LY86: variants seen among roughly 807,000 people sequenced by gnomAD.
LY86 encodes lymphocyte antigen 86, also known as MD-1, RP105-associated.
A neutral mutation model predicts 17.3 loss-of-function variants in LY86; 20 were observed. The ratio of observed to expected loss-of-function variants is 1.15; its 90% CI spans 0.81 to 1.68. LY86 has a LOEUF of 1.68. Ranked by LOEUF, LY86 falls within the 40% of genes most tolerant of loss-of-function variation. The pLI is 0.00. For synonymous variants in LY86, 74 were observed against 70.6 expected, an observed-to-expected ratio of 1.05 and a Z score of -0.24; for missense variants, 200 against 191.9, an observed-to-expected ratio of 1.04 and a Z score of -0.25.
chr6:6,654,450 CA>C (rs750760055), intron 4 of LY86, 93 bp from the exon 5 acceptor site: 43 of 909,434 alleles, frequency 4.7e-5, no homozygotes, highest in Non-Finnish European at 6.9e-5. Flanking sequence ...TCCAGAACAG[CA>C]CCCAGCACAT....
intron 1 of LY86, among the ~76,000 whole-genome samples, chr6:6,600,218 C>T (rs1271466357): frequency 1.5e-5 from 2 of 132,078 alleles, no homozygotes; most frequent in East Asian, 3.9e-4. Flanking sequence ...GGCTGCCTTC[C>T]TCTGTGATAG....
Position 6,613,803 on chromosome 6 carries a change from A to G in LY86, c.137-11123A>G, listed in dbSNP as rs73718604. Reference sequence around the variant, plus strand: ...GCTGCCAGCATGCTGTCACCTCTCAATAGGGCCCCTTACTTTCCCTGCCTG... The same window carrying G: ...GCTGCCAGCATGCTGTCACCTCTCAGTAGGGCCCCTTACTTTCCCTGCCTG... On this transcript the variant is annotated intron_variant, in intron 1 of 4. Transcript: ENST00000230568. Among the ~76,000 whole-genome samples, 842 of 152,326 alleles carry G rather than the reference A, an allele frequency of 5.5e-3. 8 individuals are homozygous for G. The highest frequency in any genetic ancestry group is 0.019 in the African/African-American group (793 of 41,580).
intron 1 of LY86, among the ~76,000 whole-genome samples, chr6:6,597,314 A>G (rs1429112861): frequency 6.6e-6 from 1 of 152,170 alleles, no homozygotes; most frequent in Non-Finnish European, 1.5e-5. Flanking sequence ...CCCATGAGGC[A>G]GGAGCTCCAG....
In LY86 at chr6:6,654,574, A is replaced by G. The variant is rs772866681; in HGVS notation, c.436A>G (p.Thr146Ala). 22 of 1,614,080 alleles carry G rather than the reference A, an allele frequency of 1.4e-5. No homozygotes were observed. The highest frequency in any genetic ancestry group is 1.8e-5 in the Non-Finnish European group (21 of 1,180,022). ...GEYQVLLELY[T>A]EKRSTVACAN... is the part of the protein sequence containing the mutation. ...ATACCAGGTTTTGCTGGAACTGTAC[A>G]CTGAAAAACGGTCCACCGTGGCCTG... Residue 146 changes from threonine to alanine, a missense_variant, in exon 5 of 5, where the codon ACT becomes GCT. By Grantham distance (58) the Thr-to-Ala change is moderately conservative (BLOSUM62 0). Transcript: ENST00000230568.
At chr6:6,601,935 G>C (rs1358905850) in intron 1 of LY86, among the ~76,000 whole-genome samples, 1 of 152,180 alleles carries the variant, frequency 6.6e-6, no homozygotes, top group African/African-American at 2.4e-5. Flanking sequence ...ACTATTTTAA[G>C]TGTGTTTCAA....
chr6:6,602,885 G>A (rs1170544661), intron 1 of LY86, among the ~76,000 whole-genome samples: 1 of 152,180 alleles, frequency 6.6e-6, no homozygotes, highest in East Asian at 1.9e-4. Context: ...GTGTTTACAG[G>A]AAGAAATCTT....
intron 1 of LY86, among the ~76,000 whole-genome samples, chr6:6,608,635 C>G (rs1352349773): frequency 6.6e-6 from 1 of 152,202 alleles, no homozygotes; most frequent in Non-Finnish European, 1.5e-5. Context: ...GTAATGTTTC[C>G]ATGCACACTA....
intron 1 of LY86, among the ~76,000 whole-genome samples, chr6:6,603,618 AC>A (rs148027309): frequency 0.016 from 1,736 of 105,732 alleles, 104 homozygotes; most frequent in South Asian, 0.036. Context: ...AAAAAAACAA[AC>A]AAAAAAAAAC....
chr6:6,603,305 C>G (rs1760972233), intron 1 of LY86, among the ~76,000 whole-genome samples: 1 of 152,100 alleles, frequency 6.6e-6, no homozygotes, highest in Non-Finnish European at 1.5e-5. Flanking sequence ...GCACTCGCAT[C>G]TCTAGCATCA....
chr6:6,610,924 C>A lies in LY86; in HGVS notation c.137-14002C>A, dbSNP rs1761315814. ...GCAGCCACAGAAATTTGTATTTTGC[C>A]AAGGAAGGCTCCTTCTTTGAAAATA... On this transcript the variant is annotated intron_variant, in intron 1 of 4. Coordinates refer to ENST00000230568, the MANE Select transcript of LY86 (RefSeq NM_004271.4). 2.6e-5 allele frequency among the ~76,000 whole-genome samples: 4 copies of A among 152,158 alleles called. No individual in the cohort carries two copies. The South Asian group carries it at 8.3e-4, about 32-fold the overall frequency.
At chr6:6,646,668 C>T (rs376799118) in intron 3 of LY86, among the ~76,000 whole-genome samples, 8 of 152,194 alleles carry the variant, frequency 5.3e-5, no homozygotes, top group African/African-American at 1.9e-4. Flanking sequence ...CAACTCACTT[C>T]CCCACTGTTA....
intron 1 of LY86, among the ~76,000 whole-genome samples, chr6:6,606,436 G>A (rs1158180362): frequency 2.6e-5 from 4 of 152,210 alleles, no homozygotes; most frequent in African/African-American, 9.7e-5. Context: ...CTGGGCGGCA[G>A]GTGGAGCTGC....
chr6:6,593,175 A>G (rs1760585209), intron 1 of LY86, among the ~76,000 whole-genome samples: 1 of 152,256 alleles, frequency 6.6e-6, no homozygotes, highest in African/African-American at 2.4e-5. Flanking sequence ...GCTCCCTTAG[A>G]AACTCTGGGG....
chr6:6,648,261 C>T (rs562828003), intron 3 of LY86, among the ~76,000 whole-genome samples: 1 of 152,192 alleles, frequency 6.6e-6, no homozygotes. Flanking sequence ...AGCAGAATGT[C>T]TCTGCAAAAC....
At chr6:6,594,241 G>A (rs941608555) in intron 1 of LY86, among the ~76,000 whole-genome samples, 5 of 152,188 alleles carry the variant, frequency 3.3e-5, no homozygotes, top group African/African-American at 9.6e-5. Context: ...AGACACTTGC[G>A]AACTAGAGCC....
Position 6,636,007 on chromosome 6 carries a change from C to T in LY86, c.352+9586C>T, listed in dbSNP as rs56687954. On this transcript the variant is annotated intron_variant, in intron 3 of 4. Coordinates refer to ENST00000230568, the MANE Select transcript of LY86 (RefSeq NM_004271.4). ...CTTAGCCCAGTCCAGTGGTTCTCAA[C>T]CTTGAGCAGGCATCAGCATCACCCG... Among the ~76,000 whole-genome samples, 1,155 of 152,334 alleles carry T rather than the reference C, an allele frequency of 7.6e-3. 16 individuals are homozygous for T. The highest frequency in any genetic ancestry group is 0.026 in the African/African-American group (1,088 of 41,574).
At chr6:6,605,895 G>A (rs111546794) in intron 1 of LY86, among the ~76,000 whole-genome samples, 2,299 of 151,218 alleles carry the variant, frequency 0.015, 53 homozygotes, top group African/African-American at 0.052. Context: ...TGGGTTCTTA[G>A]TCTCGCTGGC....
chr6:6,625,913 G>C (rs1761776781), intron 2 of LY86, among the ~76,000 whole-genome samples: 1 of 152,180 alleles, frequency 6.6e-6, no homozygotes, highest in East Asian at 1.9e-4. Flanking sequence ...AACAGCAGCA[G>C]GTGTATGTAG....
chr6:6,604,907 A>G (rs952870011), intron 1 of LY86, among the ~76,000 whole-genome samples: 1 of 152,150 alleles, frequency 6.6e-6, no homozygotes, highest in Non-Finnish European at 1.5e-5. Context: ...AGCTGGCTCC[A>G]GCAATACTCT....
Sources: gnomAD v4.1 joint callset for allele counts (sites outside exome capture counted in the v4.1 genomes callset) on GRCh38, gnomAD v4.1.1 for gene constraint, MANE v1.5 for transcripts, NCBI Gene and HGNC (gene_info 2026-07-23, HGNC 2026-07-21) for gene names.